FAR2: variants seen among roughly 807,000 people sequenced by gnomAD.
FAR2 encodes the protein fatty acyl-CoA reductase 2.
A neutral mutation model predicts 56.0 loss-of-function variants in FAR2; 19 were observed. The ratio of observed to expected loss-of-function variants is 0.34; its 90% confidence interval spans 0.24 to 0.50. The LOEUF (loss-of-function observed/expected upper bound fraction) is 0.50, where lower values mean the gene tolerates loss of function less well. FAR2 is among the 20% of genes least tolerant of loss of function. The probability of loss-of-function intolerance (pLI) is 0.98; values close to 1 mark genes in which losing one functional copy is unlikely to be tolerated. For missense variants in FAR2, 508 were observed against 642.2 expected (o/e 0.79, Z 2.26); for synonymous variants, 219 against 218.8 (o/e 1.00, Z -0.01).
intron 1 of FAR2, among the ~76,000 whole-genome samples, chr12:29,186,908 C>T (rs1306352731): frequency 1.3e-5 from 2 of 152,100 alleles, no homozygotes; most frequent in African/African-American, 2.4e-5. Context: ...CCTGCCTCAG[C>T]CTTCCAAGTA....
intron 1 of FAR2, among the ~76,000 whole-genome samples, chr12:29,157,984 G>A (rs571440515): frequency 6.6e-6 from 1 of 152,282 alleles, no homozygotes; most frequent in African/African-American, 2.4e-5. Flanking sequence ...TTTCAATAAA[G>A]GATATTTAAT....
intron 1 of FAR2, among the ~76,000 whole-genome samples, chr12:29,164,193 G>A (rs1035864766): frequency 6.6e-6 from 1 of 152,142 alleles, no homozygotes; most frequent in Admixed American, 6.6e-5. Context: ...CTTCATTTAG[G>A]AAGAACAATC....
intron 3 of FAR2, 84 bp from the exon 4 acceptor site, chr12:29,296,937 G>C: frequency 7.7e-7 from 1 of 1,292,216 alleles, no homozygotes; most frequent in African/African-American, 1.5e-5. Context: ...TGATAGGTAT[G>C]CCAGTTATTG....
intron 1 of FAR2, among the ~76,000 whole-genome samples, chr12:29,222,340 A>AT (rs1947705616): frequency 6.6e-6 from 1 of 152,204 alleles, no homozygotes; most frequent in South Asian, 2.1e-4. Context: ...ATTCAAACAC[A>AT]TTTTTTAAGT....
chr12:29,287,011 A>T (rs555297935), intron 2 of FAR2, among the ~76,000 whole-genome samples: 1 of 152,354 alleles, frequency 6.6e-6, no homozygotes, highest in South Asian at 2.1e-4. Flanking sequence ...CCCCAGTCAC[A>T]TAGCAAATCA....
At chr12:29,299,689 C>T (rs574167303) in intron 4 of FAR2, among the ~76,000 whole-genome samples, 2 of 152,220 alleles carry the variant, frequency 1.3e-5, no homozygotes, top group East Asian at 3.9e-4. Flanking sequence ...TTAGGACATC[C>T]AGGACCACCT....
At chr12:29,247,921 T>C (rs1021509432) in intron 1 of FAR2, among the ~76,000 whole-genome samples, 5 of 152,244 alleles carry the variant, frequency 3.3e-5, no homozygotes, top group Non-Finnish European at 2.9e-5. Context: ...TAAGTAGCCA[T>C]TTGTTTCAAC....
chr12:29,305,947 C>G (rs1020667565), intron 4 of FAR2, among the ~76,000 whole-genome samples: 1 of 152,006 alleles, frequency 6.6e-6, no homozygotes, highest in South Asian at 2.1e-4. Context: ...ATGTGACATA[C>G]AATCCCTGCA....
chr12:29,244,799 A>G (rs915358485), intron 1 of FAR2, among the ~76,000 whole-genome samples: 2 of 152,220 alleles, frequency 1.3e-5, no homozygotes, highest in Non-Finnish European at 2.9e-5. Context: ...AGGCTATACA[A>G]CAATGACTAA....
chr12:29,297,775 G>A (rs1949095105), intron 4 of FAR2, among the ~76,000 whole-genome samples: 2 of 152,206 alleles, frequency 1.3e-5, no homozygotes, highest in South Asian at 4.1e-4. Flanking sequence ...GCTGGGGGTG[G>A]TGGCTCACGC....
chr12:29,284,210 C>A (rs1044758499), intron 2 of FAR2, among the ~76,000 whole-genome samples: 1 of 152,122 alleles, frequency 6.6e-6, no homozygotes, highest in Non-Finnish European at 1.5e-5. Context: ...AGCTCAGACA[C>A]TGAAAAATGT....
chr12:29,168,059 C>T (rs1399043711), intron 1 of FAR2, among the ~76,000 whole-genome samples: 3 of 152,066 alleles, frequency 2.0e-5, no homozygotes, highest in African/African-American at 4.8e-5. Context: ...AGTTTTTTTA[C>T]GCAGGATTCC....
At chr12:29,219,393 T>G (rs1456088188) in intron 1 of FAR2, among the ~76,000 whole-genome samples, 1 of 152,184 alleles carries the variant, frequency 6.6e-6, no homozygotes, top group Non-Finnish European at 1.5e-5. Context: ...AACAATATCA[T>G]AACATAACAT....
At chr12:29,228,954 T>C (rs558566240) in intron 1 of FAR2, among the ~76,000 whole-genome samples, 17 of 152,264 alleles carry the variant, frequency 1.1e-4, no homozygotes, top group African/African-American at 4.1e-4. Context: ...CTTTTTGTTT[T>C]TCATTTTCTT....
intron 1 of FAR2, among the ~76,000 whole-genome samples, chr12:29,180,769 CTATT>C (rs1949984735): frequency 6.9e-6 from 1 of 145,846 alleles, no homozygotes; most frequent in South Asian, 2.2e-4. Context: ...ATCTATCTAT[CTATT>C]CTCTATCTGT....
At chr12:29,205,236 C>A (rs1040816614) in intron 1 of FAR2, among the ~76,000 whole-genome samples, 3 of 152,178 alleles carry the variant, frequency 2.0e-5, no homozygotes, top group African/African-American at 7.2e-5. Flanking sequence ...GGAAATAGTA[C>A]TTGTTTGTCG....
chr12:29,174,420 A>ATTTT (rs1949916411), intron 1 of FAR2, among the ~76,000 whole-genome samples: 1 of 61,482 alleles, frequency 1.6e-5, no homozygotes, highest in African/African-American at 6.2e-5. Flanking sequence ...AGTGGTTTTT[A>ATTTT]TTCTTTTTTT....
chr12:29,177,838 A>T (rs1565682842), intron 1 of FAR2, among the ~76,000 whole-genome samples: 1 of 151,372 alleles, frequency 6.6e-6, no homozygotes, highest in Admixed American at 6.6e-5. Context: ...TAAGCACAAA[A>T]AAAACAAACA....
rs118114962 is a variant in FAR2, at chr12:29,200,077, A to T, written c.-39+50670A>T. 1.4e-4 allele frequency among the ~76,000 whole-genome samples: 21 copies of T among 152,310 alleles called. No homozygotes were observed. The East Asian group carries it at 3.7e-3, about 27-fold the overall frequency. On this transcript the variant is annotated intron_variant, in intron 1 of 11. Coordinates refer to ENST00000536681, the MANE Select transcript of FAR2 (RefSeq NM_001271783.2). ...GACATCATCAGTAGTTTCATTAAAAATGAAAACAAACAAGGGTTAAGGGTG... is the reference window on the plus strand; with the variant it reads ...GACATCATCAGTAGTTTCATTAAAATTGAAAACAAACAAGGGTTAAGGGTG...
Sources: gnomAD v4.1 joint callset for allele counts (sites outside exome capture counted in the v4.1 genomes callset) on GRCh38, gnomAD v4.1.1 for gene constraint, MANE v1.5 for transcripts, NCBI Gene and HGNC (gene_info 2026-07-23, HGNC 2026-07-21) for gene names.